CAB39L: variants seen among roughly 807,000 people sequenced by gnomAD.
The protein encoded by CAB39L is calcium binding protein 39 like.
CAB39L carries 23 observed loss-of-function variants against 39.1 expected under a neutral mutation model. The ratio of observed to expected loss-of-function variants is 0.59; its 90% CI spans 0.42 to 0.83. The LOEUF is 0.83. Among genes scored for constraint, CAB39L ranks in the 40% least tolerant of loss-of-function variants. The pLI, the probability that CAB39L is intolerant of heterozygous loss-of-function variation, is 0.00. For synonymous variants in CAB39L, 126 were observed against 137.2 expected (o/e 0.92, Z 0.57); for missense variants, 366 against 391.9 (o/e 0.93, Z 0.56).
At chr13:49,334,220 G>A (rs1954789970) in intron 9 of CAB39L, among the ~76,000 whole-genome samples, 1 of 152,070 alleles carries the variant, frequency 6.6e-6, no homozygotes, top group Admixed American at 6.5e-5. Context: ...CACCTAATCC[G>A]ATCCATTCTG....
intron 10 of CAB39L, among the ~76,000 whole-genome samples, chr13:49,331,583 G>A (rs60882749): frequency 0.027 from 4,082 of 152,254 alleles, 144 homozygotes; most frequent in African/African-American, 0.076. Context: ...ACCCGACTGT[G>A]TCTTCAGGGC....
At chr13:49,424,430 G>A (rs1344586883) in intron 3 of CAB39L, among the ~76,000 whole-genome samples, 2 of 152,144 alleles carry the variant, frequency 1.3e-5, no homozygotes, top group African/African-American at 2.4e-5. Flanking sequence ...AACAAGGAAC[G>A]TCTGAAAAAC....
intron 5 of CAB39L, among the ~76,000 whole-genome samples, chr13:49,362,306 G>T (rs1335364562): frequency 6.6e-6 from 1 of 151,858 alleles, no homozygotes; most frequent in Non-Finnish European, 1.5e-5. Flanking sequence ...TTCAGACAGA[G>T]AATTCAAAAT....
intron 3 of CAB39L, among the ~76,000 whole-genome samples, chr13:49,393,478 TC>T (rs1456515883): frequency 6.6e-6 from 1 of 152,062 alleles, no homozygotes; most frequent in African/African-American, 2.4e-5. Context: ...CAGCTAGCCA[TC>T]CTTTTAATCT....
At chr13:49,360,010 C>T (rs780620265) in intron 5 of CAB39L, among the ~76,000 whole-genome samples, 178 bp from the exon 6 acceptor site, 10 of 152,138 alleles carry the variant, frequency 6.6e-5, no homozygotes, top group Non-Finnish European at 1.3e-4. Flanking sequence ...CTTGCAAACA[C>T]AGTCTACAAA....
rs1259284077 is a variant in CAB39L at position 49,441,219 on chromosome 13, G to GTATATATATATATATATATATA, written c.-246+2766_-246+2767insTATATATATATATATATATATA. The stretch of plus-strand genomic sequence containing the variant: ...TTGATGATTTTCTTATAATGATTTA[G>GTATATATATATATATATATATA]TGTATATATATATATATATATATAT... On this transcript the variant is annotated intron_variant, in intron 1 of 10. Coordinates refer to ENST00000409308, the MANE Select transcript of CAB39L (RefSeq NM_001079670.3). 7.0e-5 allele frequency among the ~76,000 whole-genome samples: 7 copies of GTATATATATATATATATATATA among 99,668 alleles called. No homozygotes were observed. In the East Asian group the frequency reaches 9.1e-4, roughly 13 times the overall value. The allele number at this position is 99,668 out of a possible 152,430, so 65.4% of individuals were successfully genotyped here.
At chr13:49,318,117 A>G (rs1176766448) in intron 10 of CAB39L, among the ~76,000 whole-genome samples, 1 of 152,060 alleles carries the variant, frequency 6.6e-6, no homozygotes. Flanking sequence ...CAAAAAAACA[A>G]AAACAAAAAA....
intron 8 of CAB39L, among the ~76,000 whole-genome samples, chr13:49,343,347 G>C (rs1955056040): frequency 6.6e-6 from 1 of 152,106 alleles, no homozygotes; most frequent in Non-Finnish European, 1.5e-5. Context: ...CTATGATTCA[G>C]GTATTATTAC....
At chr13:49,346,988 C>T (rs986577601) in intron 7 of CAB39L, among the ~76,000 whole-genome samples, 1 of 151,998 alleles carries the variant, frequency 6.6e-6, no homozygotes, top group Non-Finnish European at 1.5e-5. Context: ...GCAACAGTCC[C>T]TTTAAGAGCT....
chr13:49,315,720 A>G (rs1053062913), intron 10 of CAB39L, among the ~76,000 whole-genome samples: 1 of 151,990 alleles, frequency 6.6e-6, no homozygotes, highest in Admixed American at 6.6e-5. Context: ...CCCTCTGTCT[A>G]CTAAAAATAC....
chr13:49,382,415 G>C (rs1956268625), intron 4 of CAB39L: 1 of 153,882 alleles, frequency 6.5e-6, no homozygotes, highest in Non-Finnish European at 1.4e-5. Flanking sequence ...GCATTCCTAT[G>C]AGGAAGCCCC....
chr13:49,320,011 G>C (rs1003517054), intron 10 of CAB39L, among the ~76,000 whole-genome samples: 2 of 152,088 alleles, frequency 1.3e-5, no homozygotes, highest in African/African-American at 2.4e-5. Flanking sequence ...AAAATGCTAA[G>C]TTTGTGCCCA....
At chr13:49,311,059 C>T (rs1953972860) in intron 10 of CAB39L, 66 bp from the exon 11 acceptor site, 1 of 1,456,254 alleles carries the variant, frequency 6.9e-7, no homozygotes, top group Non-Finnish European at 9.4e-7. Context: ...TACAGCAGTG[C>T]AGGCCAGGGA....
intron 7 of CAB39L, among the ~76,000 whole-genome samples, chr13:49,347,605 T>A (rs1955216443): frequency 6.6e-6 from 1 of 152,196 alleles, no homozygotes; most frequent in Admixed American, 6.5e-5. Flanking sequence ...CACAGACATT[T>A]TGGTAGAAAG....
At chr13:49,373,965 C>T (rs529270539) in intron 5 of CAB39L, among the ~76,000 whole-genome samples, 1 of 152,334 alleles carries the variant, frequency 6.6e-6, no homozygotes, top group African/African-American at 2.4e-5. Flanking sequence ...TAGTACATTT[C>T]TATAAGTAGG....
chr13:49,326,915 G>A (rs1264608712), intron 10 of CAB39L, among the ~76,000 whole-genome samples: 1 of 152,158 alleles, frequency 6.6e-6, no homozygotes, highest in African/African-American at 2.4e-5. Context: ...TTCTGTGGGA[G>A]CTGAATGATA....
At chr13:49,440,845 G>C (rs1404775051) in intron 1 of CAB39L, among the ~76,000 whole-genome samples, 1 of 151,652 alleles carries the variant, frequency 6.6e-6, no homozygotes, top group East Asian at 1.9e-4. Flanking sequence ...TTTTTGTACA[G>C]AGTTTGTATC....
At chr13:49,347,990 C>G (rs1955230944) in intron 7 of CAB39L, among the ~76,000 whole-genome samples, 1 of 152,000 alleles carries the variant, frequency 6.6e-6, no homozygotes, top group Non-Finnish European at 1.5e-5. Context: ...CCTTCTTTTC[C>G]TTGCCCTTTT....
At chr13:49,405,271 A>C (rs1658985806) in intron 3 of CAB39L, among the ~76,000 whole-genome samples, 1 of 151,412 alleles carries the variant, frequency 6.6e-6, no homozygotes. Context: ...AAAGAGCAGT[A>C]AGACATATTT....
Sources: allele counts gnomAD v4.1 joint callset (sites outside exome capture counted in the v4.1 genomes callset), GRCh38; gene constraint gnomAD v4.1.1; transcripts MANE v1.5; gene names NCBI Gene and HGNC (gene_info 2026-07-23, HGNC 2026-07-21).